Variants in CSMD1 observed in about 807,000 individuals in gnomAD.
The protein encoded by CSMD1 is CUB and Sushi multiple domains 1, also known as CUB and sushi domain-containing protein 1.
CSMD1 carries 213 observed loss-of-function variants against 417.5 expected under a neutral mutation model. The ratio of observed to expected loss-of-function variants is 0.51; its 90% CI spans 0.46 to 0.57. The LOEUF (loss-of-function observed/expected upper bound fraction) is 0.57. Ranked by LOEUF, CSMD1 falls within the 20% of genes least tolerant of loss-of-function variation. The pLI is 0.00. For missense variants in CSMD1, 6,923 were observed against 4,529.7 expected (o/e 1.53, Z -15.17); for synonymous variants, 2,862 against 1,736.8 (o/e 1.65, Z -16.11).
intron 5 of CSMD1, among the ~76,000 whole-genome samples, chr8:3,954,708 C>G (rs1585027577): frequency 6.6e-6 from 1 of 152,260 alleles, no homozygotes; most frequent in African/African-American, 2.4e-5. Context: ...TGATTCTTCC[C>G]TTAGGGCAGG....
At chr8:4,388,596 C>G (rs1224060609) in intron 3 of CSMD1, among the ~76,000 whole-genome samples, 2 of 151,972 alleles carry the variant, frequency 1.3e-5, no homozygotes, top group Admixed American at 1.3e-4. Context: ...AAATAGGGTA[C>G]AGTGTATACT....
chr8:4,177,009 T>C (rs536978077), intron 3 of CSMD1, among the ~76,000 whole-genome samples: 1 of 151,950 alleles, frequency 6.6e-6, no homozygotes, highest in Non-Finnish European at 1.5e-5. Flanking sequence ...CTGTCAACAT[T>C]AGAAATATCA....
chr8:4,022,697 G>T (rs140519353), intron 4 of CSMD1, among the ~76,000 whole-genome samples: 1 of 152,136 alleles, frequency 6.6e-6, no homozygotes, highest in Non-Finnish European at 1.5e-5. Flanking sequence ...AGGCAAGTGG[G>T]ATATTGAAAA....
At chr8:3,684,092 T>C (rs1799808087) in intron 7 of CSMD1, among the ~76,000 whole-genome samples, 1 of 146,948 alleles carries the variant, frequency 6.8e-6, no homozygotes, top group Admixed American at 6.9e-5. Flanking sequence ...CAACTTTAAA[T>C]GTATAGATAT....
chr8:4,051,853 TC>T (rs1287912749), intron 3 of CSMD1, among the ~76,000 whole-genome samples: 7 of 30,802 alleles, frequency 2.3e-4, no homozygotes, highest in Non-Finnish European at 5.6e-5. Context: ...TCTTTTCTTT[TC>T]TCTTTCTTTC....
chr8:4,620,298 G>A (rs991257235), intron 2 of CSMD1, among the ~76,000 whole-genome samples: 1 of 151,512 alleles, frequency 6.6e-6, no homozygotes, highest in Non-Finnish European at 1.5e-5. Flanking sequence ...AAATATACAT[G>A]TGTATACATA....
At chr8:2,995,232 G>A (rs142198664) in intron 54 of CSMD1, among the ~76,000 whole-genome samples, 143 of 152,302 alleles carry the variant, frequency 9.4e-4, no homozygotes, top group Non-Finnish European at 1.6e-3. Flanking sequence ...ATTAGGATGT[G>A]AGCAAAAGGC....
At chr8:4,327,441 T>C (rs928477175) in intron 3 of CSMD1, among the ~76,000 whole-genome samples, 4 of 152,174 alleles carry the variant, frequency 2.6e-5, no homozygotes, top group Non-Finnish European at 4.4e-5. Flanking sequence ...AGTCGGATTG[T>C]TTGCAGCCTC....
intron 1 of CSMD1, among the ~76,000 whole-genome samples, chr8:4,669,506 C>T (rs1454326624): frequency 6.6e-6 from 1 of 152,142 alleles, no homozygotes; most frequent in African/African-American, 2.4e-5. Flanking sequence ...TCCTTTCTGC[C>T]TACCCACTTC....
intron 3 of CSMD1, among the ~76,000 whole-genome samples, chr8:4,191,032 C>T (rs903923054): frequency 3.3e-5 from 5 of 152,054 alleles, no homozygotes; most frequent in African/African-American, 9.7e-5. Context: ...ATCTGTGCAA[C>T]AAACCCCCAT....
At chr8:3,253,446 C>T (rs1800420215) in intron 26 of CSMD1, among the ~76,000 whole-genome samples, 1 of 152,026 alleles carries the variant, frequency 6.6e-6, no homozygotes, top group African/African-American at 2.4e-5. Flanking sequence ...GCTTTACTTC[C>T]AACTATGTGG....
rs115086482 is a variant in CSMD1 at position 3,969,273 on chromosome 8, G to A, written c.818+28630C>T. Among the ~76,000 whole-genome samples, 775 of 152,198 alleles carry A rather than the reference G, an allele frequency of 5.1e-3. 7 individuals carry two copies. Among genetic ancestry groups the A allele is most frequent in the African/African-American group, 0.018 (743 of 41,544 alleles). On this transcript the variant is annotated intron_variant, in intron 5 of 69. Coordinates refer to ENST00000635120, the MANE Select transcript of CSMD1 (RefSeq NM_033225.6). ...TCGATAAATAAAGATAAAAAGAGTG[G>A]CTGTAGCTGCAAAAGATGAGGCTGG...
intron 3 of CSMD1, among the ~76,000 whole-genome samples, chr8:4,284,325 G>C (rs979277520): frequency 1.3e-5 from 2 of 152,006 alleles, no homozygotes; most frequent in East Asian, 1.9e-4. Flanking sequence ...CCGAGATCCT[G>C]CCAATGCACT....
intron 23 of CSMD1, among the ~76,000 whole-genome samples, chr8:3,324,017 A>G (rs1585000296): frequency 7.2e-6 from 1 of 138,708 alleles, no homozygotes; most frequent in South Asian, 2.5e-4. Flanking sequence ...CCAGAGACCC[A>G]GGAGGGGGAG....
At chr8:3,307,189 G>A (rs773412669) in intron 25 of CSMD1, among the ~76,000 whole-genome samples, 4 of 152,090 alleles carry the variant, frequency 2.6e-5, no homozygotes. Flanking sequence ...GGGCACCTTA[G>A]CAAGTGTAAT....
intron 3 of CSMD1, among the ~76,000 whole-genome samples, chr8:4,356,192 G>A (rs1429440743): frequency 6.6e-6 from 1 of 152,084 alleles, no homozygotes; most frequent in Non-Finnish European, 1.5e-5. Flanking sequence ...ACAAATCAGT[G>A]GGAAGATACA....
chr8:4,017,706 G>T (rs756616292), intron 4 of CSMD1, among the ~76,000 whole-genome samples: 1 of 152,090 alleles, frequency 6.6e-6, no homozygotes, highest in East Asian at 1.9e-4. Flanking sequence ...ATGGTCACAG[G>T]ATTGACTTTG....
At chr8:4,593,674 A>C (rs571715375) in intron 2 of CSMD1, among the ~76,000 whole-genome samples, 1 of 152,304 alleles carries the variant, frequency 6.6e-6, no homozygotes, top group African/African-American at 2.4e-5. Context: ...TAAAATTATT[A>C]GTTACTACTT....
At chr8:4,085,795 T>G (rs1249720369) in intron 3 of CSMD1, among the ~76,000 whole-genome samples, 1 of 152,194 alleles carries the variant, frequency 6.6e-6, no homozygotes, top group Non-Finnish European at 1.5e-5. Flanking sequence ...ATGTTTATCA[T>G]AAAGACACCA....
Sources: allele counts gnomAD v4.1 joint callset (sites outside exome capture counted in the v4.1 genomes callset), GRCh38; gene constraint gnomAD v4.1.1; transcripts MANE v1.5; gene names NCBI Gene and HGNC (gene_info 2026-07-23, HGNC 2026-07-21).